The following NOS2 variants were observed in gnomAD, a reference collection of about 807,000 sequenced individuals.
The protein encoded by NOS2 is nitric oxide synthase 2, also known as nitric oxide synthase, inducible.
A neutral mutation model predicts 136.0 loss-of-function variants in NOS2; 96 were observed. That is an observed-to-expected ratio of 0.71 (90% CI 0.60 to 0.84). The LOEUF is 0.84. NOS2 is among the 40% of genes least tolerant of loss of function. NOS2 has a pLI of 0.00. For synonymous variants in NOS2, 539 were observed against 587.5 expected, an observed-to-expected ratio of 0.92 and a Z score of 1.20; for missense variants, 1,237 against 1,496.9, an observed-to-expected ratio of 0.83 and a Z score of 2.87.
chr17:27,777,657 G>C (rs978324653), intron 11 of NOS2, among the ~76,000 whole-genome samples: 2 of 152,180 alleles, frequency 1.3e-5, no homozygotes, highest in African/African-American at 4.8e-5. Context: ...TCTACCATGT[G>C]CCAGACACTC....
At chr17:27,766,813 G>A (rs1043141893) in intron 18 of NOS2, among the ~76,000 whole-genome samples, 2 of 152,036 alleles carry the variant, frequency 1.3e-5, no homozygotes, top group Non-Finnish European at 2.9e-5. Context: ...TTTGGAGGCC[G>A]CGGTGGGTGG....
chr17:27,796,553 G>A (rs540402536), intron 2 of NOS2, among the ~76,000 whole-genome samples: 1 of 152,324 alleles, frequency 6.6e-6, no homozygotes, highest in African/African-American at 2.4e-5. Context: ...CACAGGCACT[G>A]GGGAGCTGAG....
chr17:27,764,690 C>T (rs369714390), intron 20 of NOS2, among the ~76,000 whole-genome samples: 1 of 152,236 alleles, frequency 6.6e-6, no homozygotes, highest in African/African-American at 2.4e-5. Flanking sequence ...TGGGCCTTGG[C>T]TTCCCTCCCT....
intron 11 of NOS2, 134 bp from the exon 12 acceptor site, chr17:27,774,585 C>T (rs1567637617): frequency 1.3e-5 from 7 of 521,730 alleles, no homozygotes; most frequent in Non-Finnish European, 2.2e-5. Flanking sequence ...ACTCCTGGCC[C>T]TCTCCTTGCC....
intron 22 of NOS2, 38 bp downstream of exon 22, chr17:27,762,760 G>A (rs200582634): frequency 1.3e-4 from 175 of 1,394,368 alleles, no homozygotes; most frequent in Middle Eastern, 2.5e-4. Flanking sequence ...AATAATGGGC[G>A]GAGCGGGGCT....
chr17:27,773,989 G>A (rs1347970345), intron 12 of NOS2, among the ~76,000 whole-genome samples: 2 of 152,150 alleles, frequency 1.3e-5, no homozygotes, highest in African/African-American at 2.4e-5. Flanking sequence ...CTGTTGCCGG[G>A]CCCTCCCGTG....
At chr17:27,796,181 G>A (rs1484596179) in intron 2 of NOS2, among the ~76,000 whole-genome samples, 9 of 152,126 alleles carry the variant, frequency 5.9e-5, no homozygotes, top group South Asian at 2.1e-4. Context: ...GCCTAGGTGC[G>A]GTGGCTCACA....
At chr17:27,798,232 C>T (rs931142293) in intron 2 of NOS2, among the ~76,000 whole-genome samples, 4 of 152,172 alleles carry the variant, frequency 2.6e-5, no homozygotes, top group African/African-American at 4.8e-5. Flanking sequence ...AGAGGCAGCA[C>T]CCGGCAACTA....
chr17:27,770,882 C>G, intron 15 of NOS2, 31 bp downstream of exon 15: 1 of 1,554,574 alleles, frequency 6.4e-7, no homozygotes, highest in South Asian at 1.1e-5. Context: ...CCCTACCACC[C>G]CCTAGACCAG....
intron 5 of NOS2, among the ~76,000 whole-genome samples, chr17:27,786,492 T>G (rs957633996): frequency 6.6e-6 from 1 of 152,188 alleles, no homozygotes; most frequent in Non-Finnish European, 1.5e-5. Flanking sequence ...CAGACATTCT[T>G]TCTTACAATC....
chr17:27,793,874 C>T, intron 2 of NOS2: 1 of 369,338 alleles, frequency 2.7e-6, no homozygotes, highest in Non-Finnish European at 4.8e-6. Flanking sequence ...CCCCGGCGAT[C>T]CCGGGACCCA....
At chr17:27,781,279 C>G (rs539021209) in intron 7 of NOS2, 102 bp from the exon 8 acceptor site, 6 of 1,329,258 alleles carry the variant, frequency 4.5e-6, no homozygotes, top group Non-Finnish European at 6.2e-6. Context: ...TGCTCTGCAG[C>G]CCCTGATCCC....
At position 27,788,941 on chromosome 17, in the gene NOS2, G is replaced by GA. The variant is rs756253483; in HGVS notation, c.196-11dup. ...GAGATTCTGGAGACTTCTGCAAGGG[G>GA]AAAAAACAGGGTTTTCTCTCAGGTC... On this transcript the variant is annotated splice_polypyrimidine_tract_variant and intron_variant, in intron 3 of 26. Transcript: ENST00000313735. 1.8e-5 allele frequency: 29 copies of GA among 1,610,824 alleles called. No individual in the cohort carries two copies. The African/African-American group carries it at 2.7e-4, about 15-fold the overall frequency.
chr17:27,796,541 T>C (rs1303502100), intron 2 of NOS2, among the ~76,000 whole-genome samples: 1 of 152,172 alleles, frequency 6.6e-6, no homozygotes, highest in Non-Finnish European at 1.5e-5. Flanking sequence ...GAATGTGCTA[T>C]GCACAGGCAC....
At chr17:27,760,768 G>T (rs200932086) in intron 23 of NOS2, 24 bp from the exon 24 acceptor site, 460 of 1,545,886 alleles carry the variant, frequency 3.0e-4, no homozygotes, top group Middle Eastern at 9.0e-4. Context: ...GAGAAGAGGG[G>T]GCCAGTCCTC....
At chr17:27,787,615 G>A in intron 5 of NOS2, 63 bp downstream of exon 5, 1 of 1,241,524 alleles carries the variant, frequency 8.1e-7, no homozygotes, top group Admixed American at 1.9e-5. Flanking sequence ...GAGGGTGATG[G>A]GTAGAGACAG....
intron 14 of NOS2, among the ~76,000 whole-genome samples, chr17:27,771,242 A>T (rs1289631193): frequency 1.3e-5 from 2 of 152,190 alleles, no homozygotes; most frequent in East Asian, 3.9e-4. Flanking sequence ...TGGTTAACAC[A>T]TTGGCAAGCC....
At position 27,797,337 on chromosome 17, in the gene NOS2, G is replaced by C. The variant is rs1399575856; in HGVS notation, c.110+1363C>G. On this transcript the variant is annotated intron_variant, in intron 2 of 26. Coordinates refer to ENST00000313735, the MANE Select transcript of NOS2 (RefSeq NM_000625.4). ...GCCATTTGCTGAGCACTTACTCCAG[G>C]CCAGGCCCTGTGCTAAGTTGCTCAC... Among the ~76,000 whole-genome samples, 6 of 152,338 alleles carry C rather than the reference G, an allele frequency of 3.9e-5. No homozygotes were observed. The South Asian group carries it at 8.3e-4, about 21-fold the overall frequency.
At position 27,769,167 on chromosome 17, in the gene NOS2, C is replaced by T. The variant is rs1213637701; in HGVS notation, c.1860-16G>A. 2.5e-6 allele frequency: 4 copies of T among 1,596,838 alleles called. No homozygotes were observed. Among genetic ancestry groups the T allele is most frequent in the Non-Finnish European group, 3.4e-6 (4 of 1,173,470 alleles). ...CACAGCGTACCTGCCCGAGGACACA[C>T]ACAGAGACACATGTCCCATGCAAGC... On this transcript the variant is annotated splice_polypyrimidine_tract_variant and intron_variant, in intron 16 of 26. Coordinates refer to ENST00000313735, the MANE Select transcript of NOS2 (RefSeq NM_000625.4).
Sources: allele counts gnomAD v4.1 joint callset (sites outside exome capture counted in the v4.1 genomes callset), GRCh38; gene constraint gnomAD v4.1.1; transcripts MANE v1.5; gene names NCBI Gene and HGNC (gene_info 2026-07-23, HGNC 2026-07-21).